HECW2: variants seen among roughly 807,000 people sequenced by gnomAD.
HECW2 encodes E3 ubiquitin-protein ligase HECW2.
Under a neutral mutation model 175.2 loss-of-function variants are expected in HECW2, and 61 were observed. That is an observed-to-expected ratio of 0.35 (90% CI 0.28 to 0.43). HECW2 has a LOEUF of 0.43. HECW2 is among the 20% of genes least tolerant of loss of function. HECW2 has a pLI of 1.00. For missense variants in HECW2, 1,524 were observed against 2,000.5 expected (o/e 0.76, Z 4.54); for synonymous variants, 671 against 731.0 (o/e 0.92, Z 1.32).
In HECW2 at chr2:196,372,714, A is replaced by G. The variant is rs1252876271; in HGVS notation, c.293-28950T>C. On this transcript the variant is annotated intron_variant, in intron 2 of 28. Transcript: ENST00000644978. ...ATTAAGTGTCCAAATTTGCTTTCTG[A>G]TGCTTATAAGTTGCACACTAAATTT... 4.6e-5 allele frequency among the ~76,000 whole-genome samples: 7 copies of G among 152,160 alleles called. No homozygotes were observed. In the East Asian group the frequency reaches 1.2e-3, roughly 25 times the overall value.
At position 196,216,082 on chromosome 2, in the gene HECW2, A is replaced by G. The variant is rs1687465848; in HGVS notation, c.4495-105T>C. On this transcript the variant is annotated intron_variant, in intron 27 of 28. Coordinates refer to ENST00000644978, the MANE Select transcript of HECW2 (RefSeq NM_001348768.2). ...GAGCTCCTGAGGAAGAGCAGGCAGG[A>G]AAGTTCTGAAGACAAAACTTCACAG... 6.9e-6 allele frequency: 5 copies of G among 726,764 alleles called. No homozygotes were observed. In the East Asian group the frequency reaches 7.8e-5, roughly 11 times the overall value. The allele number at this position is 726,764 out of a possible 1,614,324, so 45.0% of individuals were successfully genotyped here. A position where few individuals can be genotyped will look rare whatever the true frequency, so the allele number is the denominator to read the frequency against.
chr2:196,198,672 C>G lies in HECW2; in HGVS notation c.*2605G>C, dbSNP rs534118084. On this transcript the variant is annotated 3_prime_UTR_variant, in exon 29 of 29. Transcript: ENST00000644978. ...TAAAGAGCATCACTTAAAATAAGAC[C>G]AGAAAGCCTAGTTATCTGGGTTCAC... is the stretch of plus-strand genomic sequence containing the variant. 14 of 152,216 alleles carry G rather than the reference C, an allele frequency of 9.2e-5. No individual in the cohort carries two copies. Among genetic ancestry groups the G allele is most frequent in the African/African-American group, 3.4e-4 (14 of 41,528 alleles). 9.4% of individuals were successfully genotyped at this position (152,216 alleles called of 1,614,324 possible).
intron 1 of HECW2, among the ~76,000 whole-genome samples, chr2:196,508,531 G>A (rs187643195): frequency 4.8e-4 from 73 of 152,334 alleles, no homozygotes; most frequent in African/African-American, 9.9e-4. Context: ...GCAGAGAGTT[G>A]TGTGTAGGAT....
In HECW2 at chr2:196,387,714, C is replaced by T. The variant is rs575371177; in HGVS notation, c.293-43950G>A. The stretch of plus-strand genomic sequence containing the variant: ...TATATATAGAGAGAGATATATATAT[C>T]TCCAGGGATCAGAATCTTGTGGCTC... On this transcript the variant is annotated intron_variant, in intron 2 of 28. Coordinates refer to ENST00000644978, the MANE Select transcript of HECW2 (RefSeq NM_001348768.2). Among the ~76,000 whole-genome samples, 4 of 152,160 alleles carry T rather than the reference C, an allele frequency of 2.6e-5. No homozygotes were observed. In the South Asian group the frequency reaches 8.3e-4, roughly 32 times the overall value.
At chr2:196,569,376 A>C (rs749856877) in intron 1 of HECW2, among the ~76,000 whole-genome samples, 108 of 87,374 alleles carry the variant, frequency 1.2e-3, no homozygotes, top group South Asian at 4.8e-3. Context: ...CTAAACTAAA[A>C]TAAAATAAAA....
At chr2:196,497,627 C>T (rs2125397240) in intron 1 of HECW2, among the ~76,000 whole-genome samples, 1 of 152,300 alleles carries the variant, frequency 6.6e-6, no homozygotes, top group African/African-American at 2.4e-5. Flanking sequence ...CCATTCTCCC[C>T]ACCAAGGCTA....
chr2:196,568,972 A>G (rs543558594), intron 1 of HECW2, among the ~76,000 whole-genome samples: 1 of 152,338 alleles, frequency 6.6e-6, no homozygotes, highest in East Asian at 1.9e-4. Context: ...GTGAATGCCC[A>G]TATAACCATC....
intron 21 of HECW2, among the ~76,000 whole-genome samples, chr2:196,232,286 C>G (rs74917378): frequency 6.6e-6 from 1 of 152,112 alleles, no homozygotes; most frequent in Non-Finnish European, 1.5e-5. Flanking sequence ...TTAAGCTTTA[C>G]CTCTGAGTAT....
At chr2:196,203,165 A>G (rs1447053989) in intron 28 of HECW2, among the ~76,000 whole-genome samples, 1 of 152,162 alleles carries the variant, frequency 6.6e-6, no homozygotes, top group Non-Finnish European at 1.5e-5. Context: ...GTATAGAGAT[A>G]GTACCGACTC....
In HECW2 at chr2:196,249,904, G is replaced by A. The variant is rs187442293; in HGVS notation, c.3529+4016C>T. Among the ~76,000 whole-genome samples the A allele has an allele frequency of 1.1e-3, 169 of 152,298 alleles. 2 individuals carry two copies. The highest frequency in any genetic ancestry group is 3.9e-3 in the African/African-American group (160 of 41,544). ...ATTTAGATATATTTGGGTTACACAGGTCTTTGGAAAATGTTTAACTCTAAA... is the reference window on the plus strand; with the variant it reads ...ATTTAGATATATTTGGGTTACACAGATCTTTGGAAAATGTTTAACTCTAAA... On this transcript the variant is annotated intron_variant, in intron 19 of 28. Coordinates refer to ENST00000644978, the MANE Select transcript of HECW2 (RefSeq NM_001348768.2).
intron 1 of HECW2, among the ~76,000 whole-genome samples, chr2:196,529,505 A>T (rs1688773664): frequency 6.6e-6 from 1 of 152,216 alleles, no homozygotes; most frequent in South Asian, 2.1e-4. Context: ...AATACCCCTC[A>T]TGCCAGGCTC....
intron 1 of HECW2, among the ~76,000 whole-genome samples, chr2:196,530,748 G>A (rs991023542): frequency 2.0e-5 from 3 of 152,108 alleles, no homozygotes; most frequent in African/African-American, 7.2e-5. Flanking sequence ...GGACCCTATG[G>A]AGGTATCCAC....
chr2:196,258,033 A>C (rs1288007008), intron 17 of HECW2, 127 bp from the exon 18 acceptor site: 1 of 655,434 alleles, frequency 1.5e-6, no homozygotes, highest in Non-Finnish European at 2.7e-6. Context: ...GCTACTGTGT[A>C]ATACCCTAGG....
intron 17 of HECW2, 68 bp downstream of exon 17, chr2:196,271,125 A>C: frequency 1.1e-6 from 1 of 891,504 alleles, no homozygotes; most frequent in South Asian, 1.4e-5. Flanking sequence ...CAAGACAACT[A>C]TCAGTAAAAC....
intron 28 of HECW2, among the ~76,000 whole-genome samples, chr2:196,209,330 T>A (rs981288794): frequency 3.3e-5 from 5 of 152,206 alleles, no homozygotes; most frequent in African/African-American, 9.6e-5. Flanking sequence ...TCCCTTTTTT[T>A]AATACAATCT....
At chr2:196,401,955 C>A (rs1314552301) in intron 2 of HECW2, among the ~76,000 whole-genome samples, 1 of 152,010 alleles carries the variant, frequency 6.6e-6, no homozygotes, top group African/African-American at 2.4e-5. Context: ...AATCCCAGCA[C>A]TTTGGGAGGC....
chr2:196,548,949 T>C (rs1205571003), intron 1 of HECW2, among the ~76,000 whole-genome samples: 1 of 152,148 alleles, frequency 6.6e-6, no homozygotes, highest in Middle Eastern at 3.2e-3. Flanking sequence ...ATGACCTCCT[T>C]TTAGCTTAAT....
intron 1 of HECW2, among the ~76,000 whole-genome samples, chr2:196,520,867 A>G (rs1234977108): frequency 1.3e-5 from 2 of 152,196 alleles, no homozygotes; most frequent in Non-Finnish European, 2.9e-5. Flanking sequence ...AAGAAGAATA[A>G]CTCACCACGT....
chr2:196,202,330 G>A (rs1472087431), intron 28 of HECW2, among the ~76,000 whole-genome samples: 1 of 152,078 alleles, frequency 6.6e-6, no homozygotes, highest in Non-Finnish European at 1.5e-5. Flanking sequence ...TTTTCCTTAT[G>A]AAATAAATAT....
Sources: gnomAD v4.1 joint callset for allele counts (sites outside exome capture counted in the v4.1 genomes callset) on GRCh38, gnomAD v4.1.1 for gene constraint, MANE v1.5 for transcripts, NCBI Gene and HGNC (gene_info 2026-07-23, HGNC 2026-07-21) for gene names.